The following LAMA2 variants were observed in gnomAD, a reference collection of about 807,000 sequenced individuals.
LAMA2 encodes the protein laminin subunit alpha 2.
A neutral mutation model predicts 364.8 loss-of-function variants in LAMA2; 269 were observed. That is an observed-to-expected ratio of 0.74 (90% CI 0.67 to 0.82). LAMA2 has a LOEUF of 0.82. LAMA2 is among the 40% of genes least tolerant of loss of function. LAMA2 has a pLI of 0.00. For synonymous variants in LAMA2, 1,379 were observed against 1,370.6 expected (o/e 1.01, Z -0.14); for missense variants, 3,807 against 3,873.2 (o/e 0.98, Z 0.45).
chr6:129,098,857 T>C (rs1775341457), intron 4 of LAMA2, among the ~76,000 whole-genome samples: 1 of 152,208 alleles, frequency 6.6e-6, no homozygotes, highest in Admixed American at 6.5e-5. Context: ...AATCTTTTGA[T>C]GTTTTTCTGC....
At chr6:129,158,462 A>T in intron 8 of LAMA2, 1 of 1,613,978 alleles carries the variant, frequency 6.2e-7, no homozygotes, top group Non-Finnish European at 8.5e-7. Context: ...AAGGTAGTCC[A>T]GACCCACTAC....
Position 129,342,369 on chromosome 6 carries a change from C to T in LAMA2, c.4338C>T (p.Asp1446=), listed in dbSNP as rs763902373. The change falls in exon 30 of 65, where the codon GAC becomes GAT. Residue 1446 remains aspartate (D), a synonymous_variant. Transcript: ENST00000421865. ...CQNCQHHTAG[D]FCERCALGYY... ...ATTGTCAACATCACACTGCTGGTGA[C>T]TTCTGTGAACGATGTGCTCTTGGAT... 6.2e-7 allele frequency: 1 copy of T among 1,613,330 alleles called. No individual in the cohort carries two copies. The highest frequency in any genetic ancestry group is 2.2e-5 in the East Asian group (1 of 44,840).
At chr6:129,327,600 C>A (rs1016474729) in intron 28 of LAMA2, among the ~76,000 whole-genome samples, 12 of 152,156 alleles carry the variant, frequency 7.9e-5, no homozygotes, top group African/African-American at 2.9e-4. Context: ...TCCAGAAAGC[C>A]AGAGATGTTT....
chr6:129,496,704 C>G (rs1355685080), intron 58 of LAMA2, among the ~76,000 whole-genome samples: 1 of 152,024 alleles, frequency 6.6e-6, no homozygotes, highest in Non-Finnish European at 1.5e-5. Context: ...TATTTTGTAA[C>G]AAATATTTAT....
At chr6:129,111,139 C>G (rs1483006230) in intron 4 of LAMA2, among the ~76,000 whole-genome samples, 4 of 151,962 alleles carry the variant, frequency 2.6e-5, no homozygotes, top group Non-Finnish European at 4.4e-5. Context: ...AGCTGCTTTA[C>G]TAGGCCCCTG....
At chr6:129,300,599 A>C (rs1773488344) in intron 21 of LAMA2, 137 bp from the exon 22 acceptor site, 3 of 836,210 alleles carry the variant, frequency 3.6e-6, no homozygotes, top group Non-Finnish European at 6.0e-6. Context: ...GAATGAAGTA[A>C]GTTTTTATTT....
Position 129,401,285 on chromosome 6 carries a change from A to G in LAMA2, c.5507A>G (p.Asn1836Ser), listed in dbSNP as rs753953549. 9.3e-6 allele frequency: 15 copies of G among 1,613,062 alleles called. No individual in the cohort carries two copies. Among genetic ancestry groups the G allele is most frequent in the Admixed American group, 5.0e-5 (3 of 60,012 alleles). ...RQIENTLKEG[N>S]DILDEANRLA... ...ATTGAGAACACTTTAAAAGAGGGCA[A>G]TGACATACTCGATGAAGCCAACCGT... The change falls in exon 38 of 65, where the codon AAT becomes AGT. Residue 1836 changes from asparagine (N) to serine (S), a missense_variant. This residue lies in a region of LAMA2 where 3,333 missense variants were observed against 3,345.7 expected (regional missense o/e 1.00). Transcript: ENST00000421865.
At chr6:129,196,802 C>G (rs1236525438) in intron 12 of LAMA2, among the ~76,000 whole-genome samples, 1 of 152,156 alleles carries the variant, frequency 6.6e-6, no homozygotes, top group Non-Finnish European at 1.5e-5. Context: ...TCAAGACTAA[C>G]TTGGCAATGG....
chr6:129,301,015 C>T, intron 22 of LAMA2, 143 bp downstream of exon 22: 4 of 741,688 alleles, frequency 5.4e-6, no homozygotes, highest in Non-Finnish European at 9.4e-6. Context: ...AGATATTAAT[C>T]AATATCTTAC....
intron 1 of LAMA2, among the ~76,000 whole-genome samples, chr6:128,961,358 TA>T: frequency 1.2e-5 from 1 of 84,508 alleles, no homozygotes; most frequent in African/African-American, 4.7e-5. Flanking sequence ...TATATATATA[TA>T]TATATATATT....
chr6:129,008,798 CT>C (rs1784585944), intron 1 of LAMA2, among the ~76,000 whole-genome samples: 1 of 152,122 alleles, frequency 6.6e-6, no homozygotes, highest in African/African-American at 2.4e-5. Context: ...CGAGAGATTA[CT>C]TTTTGGATAG....
At chr6:129,067,170 G>C (rs957654751) in intron 3 of LAMA2, among the ~76,000 whole-genome samples, 9 of 152,160 alleles carry the variant, frequency 5.9e-5, no homozygotes, top group African/African-American at 2.2e-4. Flanking sequence ...TTGGGTCACT[G>C]CTAAATTGGT....
chr6:128,922,441 C>A (rs1778800229), intron 1 of LAMA2, among the ~76,000 whole-genome samples: 1 of 151,388 alleles, frequency 6.6e-6, no homozygotes, highest in South Asian at 2.1e-4. Flanking sequence ...TTTTGATTTG[C>A]ATTTCTCTGA....
intron 9 of LAMA2, among the ~76,000 whole-genome samples, chr6:129,172,780 G>A (rs1402114008): frequency 6.6e-6 from 1 of 152,228 alleles, no homozygotes; most frequent in African/African-American, 2.4e-5. Context: ...CCTCGCTGCT[G>A]CCTTGCAGTT....
At chr6:129,122,890 C>G (rs867768607) in intron 4 of LAMA2, among the ~76,000 whole-genome samples, 1 of 152,182 alleles carries the variant, frequency 6.6e-6, no homozygotes, top group Non-Finnish European at 1.5e-5. Context: ...GCAATACCTT[C>G]TTAACACTGA....
At chr6:129,067,428 C>A (rs1204118824) in intron 3 of LAMA2, among the ~76,000 whole-genome samples, 11 of 152,164 alleles carry the variant, frequency 7.2e-5, no homozygotes. Flanking sequence ...AAGGTGACAG[C>A]TAGCTTTGGT....
In LAMA2 at chr6:129,349,295, C is replaced by A; in HGVS notation, c.4437-3C>A. On this transcript the variant is annotated splice_polypyrimidine_tract_variant and splice_region_variant and intron_variant, in intron 30 of 64. Coordinates refer to ENST00000421865, the MANE Select transcript of LAMA2 (RefSeq NM_000426.4). ...TTTTGCAATCCTTTTCTTTCTGATT[C>A]AGTTTCAGCCCCTCTTGTGTCGCAG... 1 of 1,612,184 alleles carries A rather than the reference C, an allele frequency of 6.2e-7. No individual in the cohort carries two copies. Among genetic ancestry groups the A allele is most frequent in the South Asian group, 1.1e-5 (1 of 91,036 alleles).
chr6:128,929,016 T>C (rs1206485325), intron 1 of LAMA2: 8 of 1,391,810 alleles, frequency 5.7e-6, no homozygotes, highest in East Asian at 2.3e-5. Flanking sequence ...ATGAAGCCCA[T>C]ATATGCATTC....
intron 15 of LAMA2, among the ~76,000 whole-genome samples, chr6:129,262,940 T>C (rs1787234781): frequency 6.6e-6 from 1 of 152,202 alleles, no homozygotes; most frequent in Non-Finnish European, 1.5e-5. Context: ...TGATTCAGGA[T>C]CTTTTTTCTC....
Sources: gnomAD v4.1 joint callset for allele counts (sites outside exome capture counted in the v4.1 genomes callset) on GRCh38, gnomAD v4.1.1 for gene constraint, gnomAD v4.1.1 regional missense constraint, MANE v1.5 for transcripts, NCBI Gene and HGNC (gene_info 2026-07-23, HGNC 2026-07-21) for gene names.